Variants in TASP1 observed in about 807,000 individuals in gnomAD.
TASP1 encodes taspase 1, also known as threonine aspartase 1.
TASP1 carries 16 observed loss-of-function variants against 56.6 expected under a neutral mutation model. The ratio of observed to expected loss-of-function variants is 0.28; its 90% CI spans 0.19 to 0.43. TASP1 has a LOEUF of 0.43. TASP1 is among the 20% of genes least tolerant of loss of function. The pLI, the probability that TASP1 is intolerant of heterozygous loss-of-function variation, is 1.00. For synonymous variants in TASP1, 179 were observed against 184.2 expected (o/e 0.97, Z 0.23); for missense variants, 393 against 511.6 (o/e 0.77, Z 2.24).
the TASP1 span, among the ~76,000 whole-genome samples, chr20:13,185,993 A>G: frequency 1.3e-5 from 2 of 152,202 alleles, no homozygotes; most frequent in Non-Finnish European, 2.9e-5. Flanking sequence ...AGGGGCATCC[A>G]GGAAGTCACA....
chr20:13,628,691 C>A (rs1457373483), intron 2 of TASP1, among the ~76,000 whole-genome samples: 3 of 152,164 alleles, frequency 2.0e-5, no homozygotes, highest in Non-Finnish European at 4.4e-5. Flanking sequence ...TGTCATCTTG[C>A]TTGACTACCC....
At chr20:13,330,208 GC>G in the TASP1 span, among the ~76,000 whole-genome samples, 1 of 152,104 alleles carries the variant, frequency 6.6e-6, no homozygotes, top group East Asian at 1.9e-4. Context: ...ACCCGCCTCA[GC>G]CTCTTAAAGT....
intron 4 of TASP1, among the ~76,000 whole-genome samples, chr20:13,621,323 C>T (rs74178049): frequency 0.037 from 5,651 of 151,936 alleles, 151 homozygotes; most frequent in Non-Finnish European, 0.052. Context: ...CCCAGCTACA[C>T]GGGAGGCTGA....
intron 11 of TASP1, among the ~76,000 whole-genome samples, chr20:13,462,934 G>T (rs1568834049): frequency 6.6e-6 from 1 of 152,044 alleles, no homozygotes; most frequent in Non-Finnish European, 1.5e-5. Flanking sequence ...TTGTTAAGAT[G>T]TCAATACTAC....
intron 10 of TASP1, among the ~76,000 whole-genome samples, chr20:13,512,234 T>A (rs867821101): frequency 1.3e-5 from 2 of 152,068 alleles, no homozygotes; most frequent in Admixed American, 1.3e-4. Flanking sequence ...AGTGTAAAAG[T>A]GTTCCTATTT....
In TASP1 at chr20:13,455,673, A is replaced by G. The variant is rs550157308; in HGVS notation, c.986-20519T>C. Among the ~76,000 whole-genome samples the G allele has an allele frequency of 2.5e-4, 38 of 152,242 alleles. No homozygotes were observed. The Middle Eastern group carries it at 0.01, about 41-fold the overall frequency. On this transcript the variant is annotated intron_variant, in intron 11 of 13. Transcript: ENST00000337743. ...CCTGCAGCAGCAGACCATCCACATC[A>G]ATTTGCAAGGAAAAAAATGTGTCTT...
At chr20:13,315,929 T>A in the TASP1 span, among the ~76,000 whole-genome samples, 1 of 151,938 alleles carries the variant, frequency 6.6e-6, no homozygotes, top group African/African-American at 2.4e-5. Flanking sequence ...AGACAAACTT[T>A]TAAACACTTT....
chr20:13,444,471 C>A (rs973649817), intron 11 of TASP1, among the ~76,000 whole-genome samples: 1 of 152,080 alleles, frequency 6.6e-6, no homozygotes, highest in Non-Finnish European at 1.5e-5. Flanking sequence ...GTTTGGAGGT[C>A]AGGTGAGCGA....
the TASP1 span, among the ~76,000 whole-genome samples, chr20:13,219,822 T>C: frequency 6.6e-6 from 1 of 152,254 alleles, no homozygotes; most frequent in South Asian, 2.1e-4. Flanking sequence ...GGAGGAACCT[T>C]CGCAAAGGCG....
intron 5 of TASP1, among the ~76,000 whole-genome samples, chr20:13,584,195 T>C (rs996017271): frequency 2.0e-5 from 3 of 152,212 alleles, no homozygotes; most frequent in African/African-American, 7.2e-5. Flanking sequence ...TAGGAACAAT[T>C]TGAAGTCATT....
chr20:13,299,868 CTTAA>C, the TASP1 span: 1 of 161,184 alleles, frequency 6.2e-6, no homozygotes, highest in Non-Finnish European at 1.4e-5. This position sits in a 1 kb window ranked among gnomAD's most constrained non-coding sequence, Gnocchi z 5.8. Context: ...ACAAATGTGA[CTTAA>C]TTAAGCGTAA....
chr20:13,198,826 CTTTCTTT>C, the TASP1 span, among the ~76,000 whole-genome samples: 1 of 139,186 alleles, frequency 7.2e-6, no homozygotes, highest in Admixed American at 7.4e-5. Context: ...TTCTTTCTTT[CTTTCTTT>C]CTTTCTTTCT....
At chr20:13,632,627 A>G (rs2049141200) in intron 1 of TASP1, among the ~76,000 whole-genome samples, 1 of 152,080 alleles carries the variant, frequency 6.6e-6, no homozygotes, top group South Asian at 2.1e-4. Context: ...CCCTCCAAAA[A>G]TCCTGGCCCT....
chr20:13,418,859 C>T (rs1401121749), intron 12 of TASP1, among the ~76,000 whole-genome samples: 1 of 152,168 alleles, frequency 6.6e-6, no homozygotes, highest in Non-Finnish European at 1.5e-5. Flanking sequence ...AATGAGGAAA[C>T]ATCAAACAGA....
the TASP1 span, among the ~76,000 whole-genome samples, chr20:13,190,883 T>C: frequency 2.0e-5 from 3 of 150,998 alleles, no homozygotes; most frequent in Admixed American, 1.3e-4. Context: ...AAATAACAGC[T>C]AAAAAAGAAA....
chr20:13,168,226 C>T, the TASP1 span: 1 of 150,248 alleles, frequency 6.7e-6, no homozygotes, highest in Non-Finnish European at 1.5e-5. Context: ...TCTTGTTGCC[C>T]AGGCTATAGT....
the TASP1 span, among the ~76,000 whole-genome samples, chr20:13,333,451 A>G: frequency 2.6e-5 from 4 of 152,250 alleles, no homozygotes; most frequent in Non-Finnish European, 5.9e-5. Flanking sequence ...GAGCCCAAAT[A>G]TTTTAGGGAA....
chr20:13,400,018 C>T (rs1036611429), intron 13 of TASP1, among the ~76,000 whole-genome samples: 1 of 152,162 alleles, frequency 6.6e-6, no homozygotes, highest in Admixed American at 6.5e-5. Flanking sequence ...TGAAGTGAAA[C>T]CTACCTAACG....
the TASP1 span, among the ~76,000 whole-genome samples, chr20:13,203,977 T>A: frequency 6.6e-6 from 1 of 152,218 alleles, no homozygotes; most frequent in South Asian, 2.1e-4. Flanking sequence ...AAAGTGTTTG[T>A]CCAAATGCTT....
Sources: gnomAD v4.1 joint callset for allele counts (sites outside exome capture counted in the v4.1 genomes callset) on GRCh38, gnomAD v4.1.1 for gene constraint, Gnocchi (gnomAD v3.1) non-coding constraint, MANE v1.5 for transcripts, NCBI Gene and HGNC (gene_info 2026-07-23, HGNC 2026-07-21) for gene names.